Variants in AUTS2 observed in about 807,000 individuals in gnomAD.
AUTS2 encodes activator of transcription and developmental regulator AUTS2, also known as autism susceptibility gene 2 protein.
Under a neutral mutation model 112.4 loss-of-function variants are expected in AUTS2, and 17 were observed. That is an observed-to-expected ratio of 0.15 (90% CI 0.10 to 0.23). AUTS2 has a LOEUF of 0.23. AUTS2 is among the 10% of genes least tolerant of loss of function. The pLI is 1.00. For missense variants in AUTS2, 1,510 were observed against 1,701.6 expected (o/e 0.89, Z 1.98); for synonymous variants, 751 against 702.7 (o/e 1.07, Z -1.09).
chr7:69,731,207 G>A (rs149636622), intron 1 of AUTS2, among the ~76,000 whole-genome samples: 2 of 152,114 alleles, frequency 1.3e-5, no homozygotes, highest in Non-Finnish European at 2.9e-5. Context: ...TAGAAGGATC[G>A]CTTGAGCCTG....
chr7:69,799,878 A>AC (rs1375184792), intron 1 of AUTS2, among the ~76,000 whole-genome samples: 1 of 152,032 alleles, frequency 6.6e-6, no homozygotes, highest in African/African-American at 2.4e-5. Context: ...AGTATGCCCA[A>AC]CCCCCTCACC....
chr7:70,760,210 T>G (rs1470693068), intron 6 of AUTS2, among the ~76,000 whole-genome samples: 1 of 152,198 alleles, frequency 6.6e-6, no homozygotes, highest in Non-Finnish European at 1.5e-5. Context: ...TTTCACCGTG[T>G]TAGCCAGGAT....
intron 1 of AUTS2, among the ~76,000 whole-genome samples, chr7:69,786,063 C>G (rs1000057744): frequency 6.6e-6 from 1 of 152,132 alleles, no homozygotes; most frequent in African/African-American, 2.4e-5. Flanking sequence ...AACTCCTGAC[C>G]TCAGGGTGAG....
intron 4 of AUTS2, among the ~76,000 whole-genome samples, chr7:70,260,852 C>A (rs1346121748): frequency 1.3e-5 from 2 of 151,712 alleles, no homozygotes; most frequent in African/African-American, 2.4e-5. Context: ...CGGGTTCAAG[C>A]GATTCTACTG....
rs775545167 is a variant in AUTS2 at position 70,576,376 on chromosome 7, T to C, written c.691-122193T>C. 2.6e-5 allele frequency among the ~76,000 whole-genome samples: 4 copies of C among 152,208 alleles called. No homozygotes were observed. The South Asian group carries it at 8.3e-4, about 32-fold the overall frequency. ...TATAACTTCTCATTCCTCCCACTGATAGTCTCACCCCTCCACAGTGATCCC... is the reference window on the plus strand; with the variant it reads ...TATAACTTCTCATTCCTCCCACTGACAGTCTCACCCCTCCACAGTGATCCC... On this transcript the variant is annotated intron_variant, in intron 5 of 18. Transcript: ENST00000342771.
At chr7:69,715,498 G>T (rs1798565767) in intron 1 of AUTS2, among the ~76,000 whole-genome samples, 2 of 152,248 alleles carry the variant, frequency 1.3e-5, no homozygotes, top group South Asian at 4.1e-4. Context: ...AGCCTGAGGA[G>T]ACTTGGTTAC....
At chr7:69,828,657 C>A (rs1348888471) in intron 1 of AUTS2, among the ~76,000 whole-genome samples, 1 of 152,120 alleles carries the variant, frequency 6.6e-6, no homozygotes, top group Non-Finnish European at 1.5e-5. Context: ...ATTGGAAATG[C>A]TTTTACACAA....
intron 16 of AUTS2, 90 bp from the exon 17 acceptor site, chr7:70,785,865 G>A: frequency 8.1e-7 from 1 of 1,229,396 alleles, no homozygotes; most frequent in Non-Finnish European, 1.2e-6. Flanking sequence ...GAGAGGGCAG[G>A]GATCCCGCAT....
intron 4 of AUTS2, among the ~76,000 whole-genome samples, chr7:70,195,114 A>AG (rs1239118803): frequency 1.3e-5 from 2 of 152,206 alleles, no homozygotes; most frequent in Non-Finnish European, 2.9e-5. Flanking sequence ...GTTTTGAAAA[A>AG]CAAGAAGTCT....
intron 4 of AUTS2, chr7:70,291,619 A>G (rs1788712250): frequency 6.6e-6 from 1 of 152,222 alleles, no homozygotes; most frequent in Non-Finnish European, 1.5e-5. Context: ...AGATTTCCAG[A>G]AAATTCAGAC....
In AUTS2 at chr7:69,895,550, C is replaced by T. The variant is rs186387181; in HGVS notation, c.310-3736C>T. On this transcript the variant is annotated intron_variant, in intron 1 of 18. Transcript: ENST00000342771. Reference sequence around the variant, plus strand: ...ATCCTCTCTCTCTCTTCTTCCCCCCCCCCGAGTGGAAAATCTCAATATTAA... The same window carrying T: ...ATCCTCTCTCTCTCTTCTTCCCCCCTCCCGAGTGGAAAATCTCAATATTAA... Among the ~76,000 whole-genome samples, 170 of 147,130 alleles carry T rather than the reference C, an allele frequency of 1.2e-3. 5 individuals carry two copies. Among genetic ancestry groups the T allele is most frequent in the African/African-American group, 3.7e-3 (149 of 40,284 alleles).
At chr7:70,642,734 C>T (rs1805907016) in intron 5 of AUTS2, among the ~76,000 whole-genome samples, 1 of 152,146 alleles carries the variant, frequency 6.6e-6, no homozygotes, top group Non-Finnish European at 1.5e-5. Flanking sequence ...ATTCCATCCT[C>T]CTCAGTGACT....
At position 70,730,573 on chromosome 7, in the gene AUTS2, G is replaced by A. The variant is rs561984643; in HGVS notation, c.742+31953G>A. On this transcript the variant is annotated intron_variant, in intron 6 of 18. Transcript: ENST00000342771. ...TAATGTTTTCAAAGTTCATGTTGTG[G>A]AATATATCAGCATTTCATTTTTAAT... is the stretch of plus-strand genomic sequence containing the variant. Among the ~76,000 whole-genome samples, 7 of 152,266 alleles carry A rather than the reference G, an allele frequency of 4.6e-5. No homozygotes were observed. In the South Asian group the frequency reaches 1.5e-3, roughly 32 times the overall value.
chr7:70,754,927 G>T (rs1195564980), intron 6 of AUTS2, among the ~76,000 whole-genome samples: 4 of 152,154 alleles, frequency 2.6e-5, no homozygotes, highest in Admixed American at 2.0e-4. Flanking sequence ...GTCCTGTTAG[G>T]AGACTTCGTA....
intron 4 of AUTS2, among the ~76,000 whole-genome samples, chr7:70,169,468 C>T (rs545115043): frequency 6.6e-6 from 1 of 152,078 alleles, no homozygotes; most frequent in Non-Finnish European, 1.5e-5. Flanking sequence ...CTTTTGATCT[C>T]CCGACCTCAT....
intron 5 of AUTS2, among the ~76,000 whole-genome samples, chr7:70,557,651 T>C (rs1202810280): frequency 2.0e-5 from 3 of 152,222 alleles, no homozygotes; most frequent in African/African-American, 4.8e-5. Flanking sequence ...TCAGTGCCAG[T>C]GCAGTTAAAT....
chr7:69,599,867 C>T lies in AUTS2; in HGVS notation c.214C>T (p.Pro72Ser). Residue 72 changes from proline to serine, a missense_variant, in exon 1 of 19, where the codon CCC becomes TCC. Transcript: ENST00000342771. The surrounding 1 kb of genome is among the most constrained non-coding windows in gnomAD (Gnocchi z 7.0). ...GTCCTCCGCCCCGTCCCGGCCCAGA[C>T]CCCCGCGGAGGAAGCGGAGAGAGTC... ...PPSSAPSRPR[P>S]PRRKRRESTS... 1 of 1,613,330 alleles carries T rather than the reference C, an allele frequency of 6.2e-7. No homozygotes were observed. Among genetic ancestry groups the T allele is most frequent in the Non-Finnish European group, 8.5e-7 (1 of 1,179,898 alleles).
At chr7:70,397,165 G>A (rs1794124408) in intron 4 of AUTS2, among the ~76,000 whole-genome samples, 1 of 151,772 alleles carries the variant, frequency 6.6e-6, no homozygotes, top group African/African-American at 2.4e-5. Flanking sequence ...CCAGGTTCAA[G>A]CGATTCTTCT....
intron 4 of AUTS2, among the ~76,000 whole-genome samples, chr7:70,319,776 C>G (rs1302066835): frequency 6.6e-6 from 1 of 152,150 alleles, no homozygotes; most frequent in African/African-American, 2.4e-5. Flanking sequence ...ACACAAACAA[C>G]CTTGATAAAT....
Sources: gnomAD v4.1 joint callset for allele counts (sites outside exome capture counted in the v4.1 genomes callset) on GRCh38, gnomAD v4.1.1 for gene constraint, Gnocchi (gnomAD v3.1) non-coding constraint, MANE v1.5 for transcripts, NCBI Gene and HGNC (gene_info 2026-07-23, HGNC 2026-07-21) for gene names.